The following ASIC2 variants were observed in gnomAD, a reference collection of about 807,000 sequenced individuals.
ASIC2 encodes the protein acid-sensing ion channel 2.
In ASIC2, 25 loss-of-function variants were observed where a neutral mutation model predicts 57.3. The ratio of observed to expected loss-of-function variants is 0.44; its 90% CI spans 0.32 to 0.61. The LOEUF is 0.61. Among genes scored for constraint, ASIC2 ranks in the 20% least tolerant of loss-of-function variants. The pLI is 0.06. For missense variants in ASIC2, 641 were observed against 738.1 expected, an observed-to-expected ratio of 0.87 and a Z score of 1.52; for synonymous variants, 319 against 307.5, an observed-to-expected ratio of 1.04 and a Z score of -0.39.
At chr17:33,074,251 TA>T (rs1183374582) in intron 3 of ASIC2, among the ~76,000 whole-genome samples, 1 of 152,214 alleles carries the variant, frequency 6.6e-6, no homozygotes, top group Non-Finnish European at 1.5e-5. Context: ...TTTTCTACAG[TA>T]GCCATATAGT....
At chr17:33,764,338 T>C (rs1910872694) in intron 1 of ASIC2, among the ~76,000 whole-genome samples, 1 of 150,652 alleles carries the variant, frequency 6.6e-6, no homozygotes, top group Admixed American at 6.6e-5. Context: ...AAAAAGGCTT[T>C]GATTTCAGAA....
At chr17:33,326,242 T>C (rs1218719462) in intron 1 of ASIC2, among the ~76,000 whole-genome samples, 2 of 152,188 alleles carry the variant, frequency 1.3e-5, no homozygotes, top group African/African-American at 4.8e-5. Context: ...GTAATCACCA[T>C]TATACCCATT....
At chr17:33,564,087 C>A (rs2043471) in intron 1 of ASIC2, among the ~76,000 whole-genome samples, 89,676 of 152,010 alleles carry the variant, frequency 0.59, 27,468 homozygotes, top group African/African-American at 0.76. Flanking sequence ...CGGCAGCCCC[C>A]CTGAGGAGGT....
At chr17:33,362,181 C>A (rs1908636127) in intron 1 of ASIC2, among the ~76,000 whole-genome samples, 1 of 152,164 alleles carries the variant, frequency 6.6e-6, no homozygotes, top group Admixed American at 6.5e-5. Flanking sequence ...CTTACTTGGG[C>A]TCTAGACCTC....
At chr17:34,026,358 G>A (rs575911034) in intron 1 of ASIC2, among the ~76,000 whole-genome samples, 20 of 152,236 alleles carry the variant, frequency 1.3e-4, no homozygotes, top group South Asian at 4.2e-4. Flanking sequence ...AATGTCTGGC[G>A]GCTTAGGTAG....
At chr17:33,605,781 C>T (rs907581442) in intron 1 of ASIC2, among the ~76,000 whole-genome samples, 1 of 152,224 alleles carries the variant, frequency 6.6e-6, no homozygotes, top group African/African-American at 2.4e-5. Flanking sequence ...CACGTCCTGC[C>T]TCCGGCCCCC....
intron 1 of ASIC2, among the ~76,000 whole-genome samples, chr17:33,328,933 C>T (rs2060761928): frequency 6.6e-6 from 1 of 152,330 alleles, no homozygotes; most frequent in Non-Finnish European, 1.5e-5. Flanking sequence ...AAACACCTTT[C>T]TCCTCTTGCT....
intron 1 of ASIC2, among the ~76,000 whole-genome samples, chr17:33,623,247 TTTG>T (rs1179633314): frequency 0.017 from 220 of 13,278 alleles, 2 homozygotes; most frequent in Middle Eastern, 0.045. Flanking sequence ...TTTTTTTTTG[TTTG>T]TTTGTTTGTT....
chr17:33,997,620 A>G (rs1208378050), intron 1 of ASIC2, among the ~76,000 whole-genome samples: 6 of 152,104 alleles, frequency 3.9e-5, no homozygotes, highest in Non-Finnish European at 7.4e-5. Context: ...TTCCGCATCT[A>G]TTGAGATGAT....
intron 1 of ASIC2, chr17:34,118,866 T>C (rs1448163656): frequency 6.6e-6 from 1 of 152,318 alleles, no homozygotes; most frequent in Non-Finnish European, 1.5e-5. Flanking sequence ...CAGCTTCAAG[T>C]GGCCTTGAGC....
At chr17:34,070,604 CAT>C (rs1909361679) in intron 1 of ASIC2, 1 of 152,130 alleles carries the variant, frequency 6.6e-6, no homozygotes, top group Non-Finnish European at 1.5e-5. Context: ...TCCCATGTAG[CAT>C]AGAGATACAA....
chr17:33,202,483 C>T (rs953285519), intron 1 of ASIC2, among the ~76,000 whole-genome samples: 17 of 152,058 alleles, frequency 1.1e-4, no homozygotes, highest in East Asian at 3.9e-4. Flanking sequence ...AGAGATTGTC[C>T]GCCCCATCTG....
chr17:34,118,921 C>CA (rs1911510601), intron 1 of ASIC2: 2 of 152,234 alleles, frequency 1.3e-5, no homozygotes, highest in African/African-American at 4.8e-5. Flanking sequence ...ACTCTGCTGA[C>CA]AGACAGATGA....
intron 1 of ASIC2, among the ~76,000 whole-genome samples, chr17:33,753,027 T>C (rs1910481708): frequency 6.6e-6 from 1 of 152,224 alleles, no homozygotes; most frequent in Non-Finnish European, 1.5e-5. Flanking sequence ...TATTTATAAT[T>C]GCCAAAGAAC....
intron 1 of ASIC2, among the ~76,000 whole-genome samples, chr17:33,477,743 A>G (rs1033513614): frequency 6.6e-6 from 1 of 152,170 alleles, no homozygotes; most frequent in Admixed American, 6.5e-5. Flanking sequence ...AGCTCAGGCC[A>G]TGGTGTCCCA....
At chr17:34,044,122 ACACG>A (rs1040291589) in intron 1 of ASIC2, among the ~76,000 whole-genome samples, 119 of 50,374 alleles carry the variant, frequency 2.4e-3, no homozygotes, top group African/African-American at 0.02. Flanking sequence ...ACACACACAC[ACACG>A]CACGCACACA....
intron 2 of ASIC2, among the ~76,000 whole-genome samples, chr17:33,110,816 C>T (rs1176613268): frequency 6.6e-6 from 1 of 152,096 alleles, no homozygotes; most frequent in African/African-American, 2.4e-5. Flanking sequence ...GGGCTCCACC[C>T]TTTCCTCAGC....
intron 1 of ASIC2, among the ~76,000 whole-genome samples, chr17:34,139,005 G>A (rs545964067): frequency 1.3e-5 from 2 of 152,306 alleles, no homozygotes; most frequent in South Asian, 4.1e-4. Context: ...AATGTCAGCT[G>A]ATACATGTAG....
At chr17:33,491,514 C>CT (rs1913758119) in intron 1 of ASIC2, among the ~76,000 whole-genome samples, 1 of 152,232 alleles carries the variant, frequency 6.6e-6, no homozygotes, top group Non-Finnish European at 1.5e-5. Flanking sequence ...AGGAAAAACT[C>CT]TAAAAAAGGA....
Sources: gnomAD v4.1 joint callset for allele counts (sites outside exome capture counted in the v4.1 genomes callset) on GRCh38, gnomAD v4.1.1 for gene constraint, MANE v1.5 for transcripts, NCBI Gene and HGNC (gene_info 2026-07-23, HGNC 2026-07-21) for gene names.